The following TTC28 variants were observed in gnomAD, a reference collection of about 807,000 sequenced individuals.
TTC28 encodes tetratricopeptide repeat domain 28.
A neutral mutation model predicts 198.0 loss-of-function variants in TTC28; 61 were observed. The ratio of observed to expected loss-of-function variants is 0.31; its 90% CI spans 0.25 to 0.38. TTC28 has a LOEUF of 0.38. Among genes scored for constraint, TTC28 ranks in the 10% least tolerant of loss-of-function variants. The probability of loss-of-function intolerance (pLI) is 1.00; values close to 1 mark genes in which losing one functional copy is unlikely to be tolerated. For missense variants in TTC28, 2,678 were observed against 3,164.0 expected (o/e 0.85, Z 3.69); for synonymous variants, 1,171 against 1,297.8 (o/e 0.90, Z 2.10).
intron 5 of TTC28, among the ~76,000 whole-genome samples, chr22:28,258,111 G>A (rs1314746652): frequency 6.6e-6 from 1 of 152,100 alleles, no homozygotes; most frequent in East Asian, 1.9e-4. Context: ...GGATACTGAA[G>A]TGGTGAACAT....
At chr22:28,119,821 A>G (rs1942737060) in intron 6 of TTC28, among the ~76,000 whole-genome samples, 1 of 152,232 alleles carries the variant, frequency 6.6e-6, no homozygotes, top group African/African-American at 2.4e-5. Flanking sequence ...TTGTACTGTC[A>G]TCCAGCTGAA....
chr22:28,159,408 C>T (rs1943833353), intron 6 of TTC28, among the ~76,000 whole-genome samples: 1 of 152,180 alleles, frequency 6.6e-6, no homozygotes, highest in South Asian at 2.1e-4. Context: ...GTAATCCCAG[C>T]ACTCTGGGAG....
chr22:28,521,281 A>G (rs775203838), intron 2 of TTC28, among the ~76,000 whole-genome samples: 1 of 151,448 alleles, frequency 6.6e-6, no homozygotes. Context: ...GGTAGTGTAC[A>G]CCCGCAGTCC....
At chr22:28,085,277 C>CA (rs1452762330) in intron 12 of TTC28, among the ~76,000 whole-genome samples, 3 of 152,010 alleles carry the variant, frequency 2.0e-5, no homozygotes, top group Non-Finnish European at 4.4e-5. Flanking sequence ...TCAGGTTACC[C>CA]ACAAAGGGAA....
At position 28,075,732 on chromosome 22, in the gene TTC28, G is replaced by A. The variant is rs1368777877; in HGVS notation, c.3932+18348C>T. ...TGCCTGGTGAGAAACTCCTCCGCCT[G>A]GAATGGCTTTTCTCCCCTCACCCTT... is the stretch of plus-strand genomic sequence containing the variant. On this transcript the variant is annotated intron_variant, in intron 12 of 22. Transcript: ENST00000397906. Among the ~76,000 whole-genome samples, 17 of 152,182 alleles carry A rather than the reference G, an allele frequency of 1.1e-4. 1 individual carries two copies. The highest frequency in any genetic ancestry group is 8.8e-5 in the Non-Finnish European group (6 of 68,040).
intron 2 of TTC28, among the ~76,000 whole-genome samples, chr22:28,449,352 G>A (rs867706418): frequency 6.6e-6 from 1 of 152,226 alleles, no homozygotes. Flanking sequence ...AAGCTGTAAT[G>A]ACCTGTGGAA....
Position 28,468,922 on chromosome 22 carries a change from A to G in TTC28, c.381+160630T>C, listed in dbSNP as rs548755300. ...AGGGATGATAATCATTAAATGTCTA[A>G]TACTAGTTGTTAGATTCACCCTGCC... On this transcript the variant is annotated intron_variant, in intron 2 of 22. Transcript: ENST00000397906. Among the ~76,000 whole-genome samples the G allele has an allele frequency of 2.6e-5, 4 of 152,180 alleles. No individual in the cohort carries two copies. In the South Asian group the frequency reaches 8.3e-4, roughly 32 times the overall value.
chr22:28,267,537 T>C (rs1346805210), intron 5 of TTC28, among the ~76,000 whole-genome samples: 1 of 152,210 alleles, frequency 6.6e-6, no homozygotes, highest in Non-Finnish European at 1.5e-5. Flanking sequence ...ATCCTTTACC[T>C]ATGTCAATTC....
chr22:28,074,031 C>A (rs1941085534), intron 12 of TTC28, among the ~76,000 whole-genome samples: 1 of 152,132 alleles, frequency 6.6e-6, no homozygotes, highest in Non-Finnish European at 1.5e-5. Context: ...GGATGGCACC[C>A]TCTGAGCCTC....
intron 2 of TTC28, among the ~76,000 whole-genome samples, chr22:28,591,432 C>A (rs1436890234): frequency 6.6e-6 from 1 of 152,054 alleles, no homozygotes; most frequent in African/African-American, 2.4e-5. Flanking sequence ...GATTCTCATA[C>A]CAAGCCTGTG....
intron 2 of TTC28, among the ~76,000 whole-genome samples, chr22:28,578,525 A>T (rs547947905): frequency 6.6e-6 from 1 of 152,232 alleles, no homozygotes; most frequent in Non-Finnish European, 1.5e-5. Flanking sequence ...TCCAACCCCC[A>T]CCACTACAGG....
intron 2 of TTC28, among the ~76,000 whole-genome samples, chr22:28,340,292 CT>C (rs2045808881): frequency 6.6e-6 from 1 of 152,044 alleles, no homozygotes; most frequent in South Asian, 2.1e-4. Context: ...AATCACATTT[CT>C]ATGAAATGTG....
Position 28,306,524 on chromosome 22 carries a change from C to T in TTC28, c.501G>A (p.Val167=). 1 of 1,550,440 alleles carries T rather than the reference C, an allele frequency of 6.4e-7. No homozygotes were observed. Among genetic ancestry groups the T allele is most frequent in the Non-Finnish European group, 8.7e-7 (1 of 1,146,656 alleles). ...TCATGGGAGATTTCATGGCGGCTTCCACCATCCCCACCAGAAGCTGGAGAC... is the reference window on the plus strand; with the variant it reads ...TCATGGGAGATTTCATGGCGGCTTCTACCATCCCCACCAGAAGCTGGAGAC... ...PKSLQLLVGM[V]EAAMKSPMRD... Residue 167 remains valine (V), a synonymous_variant, in exon 3 of 23, where the codon GTG becomes GTA. Transcript: ENST00000397906.
At chr22:28,468,253 C>CA (rs1269882107) in intron 2 of TTC28, among the ~76,000 whole-genome samples, 3 of 152,148 alleles carry the variant, frequency 2.0e-5, no homozygotes, top group Admixed American at 2.0e-4. Flanking sequence ...AGCTGATCTA[C>CA]AAATGCTGGG....
intron 19 of TTC28, chr22:27,992,385 G>A: frequency 1.7e-6 from 1 of 597,992 alleles, no homozygotes; most frequent in Non-Finnish European, 2.9e-6. Context: ...CGGATGCCTT[G>A]GCATCGCAGA....
At chr22:28,221,260 G>C (rs1024461930) in intron 5 of TTC28, among the ~76,000 whole-genome samples, 1 of 152,150 alleles carries the variant, frequency 6.6e-6, no homozygotes, top group Non-Finnish European at 1.5e-5. Flanking sequence ...CAAAAGCCCA[G>C]TCACAAAAAC....
intron 12 of TTC28, among the ~76,000 whole-genome samples, chr22:28,090,079 C>T (rs1011544073): frequency 3.3e-5 from 5 of 151,182 alleles, no homozygotes; most frequent in Admixed American, 2.0e-4. Flanking sequence ...CAAACCTGCA[C>T]GTTGTGCACA....
intron 2 of TTC28, among the ~76,000 whole-genome samples, chr22:28,507,740 T>TG (rs1285131160): frequency 6.6e-6 from 1 of 151,842 alleles, no homozygotes. Flanking sequence ...CAGAAGAGAG[T>TG]GGGGGCCAGT....
intron 2 of TTC28, among the ~76,000 whole-genome samples, chr22:28,325,380 G>A (rs980555027): frequency 2.6e-5 from 4 of 151,444 alleles, no homozygotes. Context: ...TTCTTTATTA[G>A]TCTTGCCAGT....
Sources: gnomAD v4.1 joint callset for allele counts (sites outside exome capture counted in the v4.1 genomes callset) on GRCh38, gnomAD v4.1.1 for gene constraint, MANE v1.5 for transcripts, NCBI Gene and HGNC (gene_info 2026-07-23, HGNC 2026-07-21) for gene names.